The following TG variants were observed in gnomAD, a reference collection of about 807,000 sequenced individuals.
TG encodes the protein thyroglobulin, also known as thyroid hormones.
TG carries 270 observed loss-of-function variants against 324.7 expected under a neutral mutation model. The ratio of observed to expected loss-of-function variants is 0.83; its 90% CI spans 0.75 to 0.92. TG has a LOEUF of 0.92. TG is among the 40% of genes least tolerant of loss of function. TG has a pLI of 0.00. For synonymous variants in TG, 1,401 were observed against 1,327.0 expected (o/e 1.06, Z -1.21); for missense variants, 3,591 against 3,456.4 (o/e 1.04, Z -0.98).
chr8:133,107,381 C>T (rs1849890370), intron 43 of TG, among the ~76,000 whole-genome samples: 1 of 152,196 alleles, frequency 6.6e-6, no homozygotes, highest in Admixed American at 6.5e-5. Context: ...TAAAAGCACA[C>T]ACCAAGGAGT....
chr8:133,105,114 G>A (rs1285892801), intron 43 of TG, among the ~76,000 whole-genome samples: 2 of 152,180 alleles, frequency 1.3e-5, no homozygotes, highest in South Asian at 2.1e-4. Context: ...GTGAACTCTG[G>A]TAGGCTTCCT....
At chr8:132,948,663 C>G in intron 26 of TG, 113 bp from the exon 27 acceptor site, 1 of 1,141,526 alleles carries the variant, frequency 8.8e-7, no homozygotes, top group South Asian at 1.2e-5. Flanking sequence ...TCTATGTCTT[C>G]TCCTGAGACG....
intron 40 of TG, among the ~76,000 whole-genome samples, chr8:133,025,089 C>T (rs757662047): frequency 5.3e-5 from 8 of 152,338 alleles, no homozygotes; most frequent in Non-Finnish European, 1.0e-4. Context: ...ATTGCGCCTC[C>T]GTGCTCTTCA....
intron 16 of TG, among the ~76,000 whole-genome samples, chr8:132,902,215 G>A (rs1713342034): frequency 6.6e-6 from 1 of 152,150 alleles, no homozygotes; most frequent in Admixed American, 6.5e-5. Context: ...TGGTGGGTCT[G>A]GCAGAGTTGC....
intron 28 of TG, among the ~76,000 whole-genome samples, chr8:132,962,713 A>T (rs148715982): frequency 6.6e-6 from 1 of 152,372 alleles, no homozygotes; most frequent in Non-Finnish European, 1.5e-5. Context: ...ACAGGGAGTT[A>T]TAAACAGCAA....
At chr8:132,952,745 A>G (rs1826292879) in intron 27 of TG, among the ~76,000 whole-genome samples, 1 of 152,206 alleles carries the variant, frequency 6.6e-6, no homozygotes, top group African/African-American at 2.4e-5. Context: ...GTACAACTCA[A>G]TCGATCCTTT....
intron 24 of TG, among the ~76,000 whole-genome samples, chr8:132,935,243 T>C (rs1449773422): frequency 2.0e-5 from 3 of 151,268 alleles, no homozygotes; most frequent in Non-Finnish European, 2.9e-5. Flanking sequence ...CAGGTTCAGG[T>C]GATTCTCTCG....
At chr8:132,995,223 C>T in intron 35 of TG, 3 of 952,996 alleles carry the variant, frequency 3.1e-6, no homozygotes, top group Non-Finnish European at 3.7e-6. Context: ...GTAGAATTCA[C>T]CATGTTACCT....
chr8:132,932,104 T>A (rs1288213121), intron 23 of TG, among the ~76,000 whole-genome samples: 1 of 129,198 alleles, frequency 7.7e-6, no homozygotes, highest in East Asian at 2.1e-4. Flanking sequence ...AAAAAATATT[T>A]TAAAACAGAA....
intron 41 of TG, among the ~76,000 whole-genome samples, chr8:133,054,549 A>G (rs1287974043): frequency 1.3e-5 from 2 of 152,244 alleles, no homozygotes; most frequent in Non-Finnish European, 2.9e-5. Context: ...GGCCTGCCTT[A>G]GTAAGTGGAA....
chr8:133,030,133 C>T (rs1276230723), intron 41 of TG, 110 bp downstream of exon 41: 38 of 1,355,610 alleles, frequency 2.8e-5, no homozygotes, highest in Non-Finnish European at 3.8e-5. Context: ...TTTCCCTTGT[C>T]CTTTGTCCTG....
chr8:132,872,363 A>T (rs1839566207), intron 4 of TG, among the ~76,000 whole-genome samples: 1 of 151,460 alleles, frequency 6.6e-6, no homozygotes, highest in Non-Finnish European at 1.5e-5. Flanking sequence ...CTGTAGTCCC[A>T]GCTACTCGGG....
chr8:133,020,180 C>A (rs182149839), intron 39 of TG, among the ~76,000 whole-genome samples: 3 of 152,178 alleles, frequency 2.0e-5, no homozygotes, highest in East Asian at 1.9e-4. Context: ...TCATCCCTGT[C>A]GCCGTGTTCC....
chr8:132,994,590 GT>G lies in TG; in HGVS notation c.6262+11186del, dbSNP rs1437329748. On this transcript the variant is annotated intron_variant, in intron 35 of 47. Coordinates refer to ENST00000220616, the MANE Select transcript of TG (RefSeq NM_003235.5). ...TTACAAGTGGCTAGTGCTACACAAA[GT>G]TTTTTTTAAATGATCCTTCAGTCAT... 8.8e-6 allele frequency: 9 copies of G among 1,018,386 alleles called. No homozygotes were observed. In the Admixed American group the frequency reaches 1.3e-4, roughly 15 times the overall value. 63.1% of individuals were successfully genotyped at this position (1,018,386 alleles called of 1,614,324 possible).
chr8:132,996,414 A>G (rs1300774537), intron 35 of TG, among the ~76,000 whole-genome samples: 1 of 152,180 alleles, frequency 6.6e-6, no homozygotes, highest in Non-Finnish European at 1.5e-5. Flanking sequence ...TTATTAATTA[A>G]CTTCATTCAA....
chr8:132,970,687 G>A (rs911055508), intron 32 of TG, among the ~76,000 whole-genome samples: 9 of 152,174 alleles, frequency 5.9e-5, no homozygotes, highest in Non-Finnish European at 1.2e-4. Flanking sequence ...ATGAAAAGGA[G>A]GGTTGGAACC....
At chr8:133,120,192 G>GT (rs766901778) in intron 45 of TG, among the ~76,000 whole-genome samples, 43 of 152,318 alleles carry the variant, frequency 2.8e-4, no homozygotes, top group Non-Finnish European at 5.9e-4. Flanking sequence ...AATGAAAGGT[G>GT]TAACTCTCTC....
intron 25 of TG, among the ~76,000 whole-genome samples, chr8:132,938,778 C>G (rs566215095): frequency 6.6e-6 from 1 of 152,078 alleles, no homozygotes; most frequent in Admixed American, 6.6e-5. Context: ...ATCGGCCAGG[C>G]GCAGTGGCTT....
intron 41 of TG, among the ~76,000 whole-genome samples, chr8:133,039,422 T>C (rs1189068774): frequency 2.0e-5 from 3 of 152,230 alleles, no homozygotes; most frequent in Non-Finnish European, 2.9e-5. Context: ...CGCATAATTT[T>C]GATCCTGATT....
Sources: gnomAD v4.1 joint callset for allele counts (sites outside exome capture counted in the v4.1 genomes callset) on GRCh38, gnomAD v4.1.1 for gene constraint, MANE v1.5 for transcripts, NCBI Gene and HGNC (gene_info 2026-07-23, HGNC 2026-07-21) for gene names.